C2CD4A: variants seen among roughly 807,000 people sequenced by gnomAD.
C2CD4A encodes the protein C2 calcium-dependent domain-containing protein 4A.
Under a neutral mutation model 0.4 loss-of-function variants are expected in C2CD4A, and 2 were observed. The ratio of observed to expected loss-of-function variants is 4.45; its 90% CI spans 1.82 to 13.99. C2CD4A has a LOEUF of 13.99. C2CD4A is among the 30% of genes most tolerant of loss of function. C2CD4A has a pLI of 0.04. For missense variants in C2CD4A, 610 were observed against 574.2 expected (o/e 1.06, Z -0.64); for synonymous variants, 297 against 280.8 (o/e 1.06, Z -0.58).
chr15:62,068,347 A>G lies in C2CD4A; in HGVS notation c.734A>G (p.Glu245Gly). ...CCGTTTCCCGAGCGCCTGGAGGCCG[A>G]GGGCACCGTGGCTCTGGGCCGCGCC... is the stretch of plus-strand genomic sequence containing the variant. ...RVPFPERLEA[E>G]GTVALGRAGD... Residue 245 changes from glutamate (E) to glycine (G), a missense_variant, in exon 2 of 2, where the codon GAG becomes GGG. Glu to Gly is a moderately conservative substitution (Grantham distance 98, BLOSUM62 -2). Coordinates refer to ENST00000355522, the MANE Select transcript of C2CD4A (RefSeq NM_207322.3). 1 of 1,407,608 alleles carries G rather than the reference A, an allele frequency of 7.1e-7. No individual in the cohort carries two copies. The allele number at this position is 1,407,608 out of a possible 1,614,324, so 87.2% of individuals were successfully genotyped here.
intron 1 of C2CD4A, 43 bp from the exon 2 acceptor site, chr15:62,067,542 G>A: frequency 6.8e-7 from 1 of 1,469,826 alleles, no homozygotes; most frequent in Admixed American, 2.1e-5. Context: ...ACTGCACCTT[G>A]CGGGACTCGC....
At position 62,068,032 on chromosome 15, in the gene C2CD4A, G is replaced by C; in HGVS notation, c.419G>C (p.Gly140Ala). Residue 140 changes from glycine to alanine, a missense_variant, in exon 2 of 2, where the codon GGC (glycine) becomes GCC (alanine). Coordinates refer to ENST00000355522, the MANE Select transcript of C2CD4A (RefSeq NM_207322.3). ...PRAHTYGGGG[G>A]PDALLGTLRV... ...GCCCACACCTACGGCGGCGGCGGCG[G>C]CCCGGACGCCCTCCTGGGGACCCTG... 1.6e-6 allele frequency: 2 copies of C among 1,270,916 alleles called. No homozygotes were observed. The highest frequency in any genetic ancestry group is 2.0e-6 in the Non-Finnish European group (2 of 1,016,290). The allele number at this position is 1,270,916 out of a possible 1,614,324, so 78.7% of individuals were successfully genotyped here.
At position 62,068,204 on chromosome 15, in the gene C2CD4A, G is replaced by C. The variant is rs1219411185; in HGVS notation, c.591G>C (p.Arg197Ser). The C allele has an allele frequency of 6.7e-6, 9 of 1,339,128 alleles. No homozygotes were observed. Among genetic ancestry groups the C allele is most frequent in the Non-Finnish European group, 7.7e-6 (8 of 1,044,016 alleles). 83.0% of individuals were successfully genotyped at this position (1,339,128 alleles called of 1,614,324 possible). The stretch of plus-strand genomic sequence containing the variant: ...TGAGTCGCGCGCTGCGGGCTGGGAG[G>C]AGTCGCCGCCTGACCCGCGTCCGCT... ...GLLSRALRAG[R>S]SRRLTRVRSV... is the part of the protein sequence containing the mutation. Residue 197 changes from arginine (R) to serine (S), a missense_variant, in exon 2 of 2, where the codon AGG becomes AGC. Transcript: ENST00000355522.
Position 62,068,444 on chromosome 15 carries a change from C to G in C2CD4A, c.831C>G (p.Ala277=), listed in dbSNP as rs2049062067. The G allele has an allele frequency of 5.6e-6, 8 of 1,416,976 alleles. No individual in the cohort carries two copies. The highest frequency in any genetic ancestry group is 2.3e-4 in the Middle Eastern group (1 of 4,286). The allele number at this position is 1,416,976 out of a possible 1,614,324, so 87.8% of individuals were successfully genotyped here. ...GGCTCCGCCTCCGGCTGCTCCGCGC[C>G]GAGAGCCCGGCCGGAGGCGCCCCCG... The part of the protein sequence containing the change: ...TGRLRLRLLR[A]ESPAGGAPGP... The change falls in exon 2 of 2, where the codon GCC becomes GCG. Residue 277 remains alanine, a synonymous_variant. Coordinates refer to ENST00000355522, the MANE Select transcript of C2CD4A (RefSeq NM_207322.3).
chr15:62,067,991 C>G lies in C2CD4A; in HGVS notation c.378C>G (p.Pro126=), dbSNP rs934402578. ...RKESLLLGGP[P]APRPRAHTYG... is the part of the protein sequence containing the mutation. ...AGTCGCTCCTGCTCGGGGGCCCGCCCGCGCCCCGGCCCCGGGCCCACACCT... is the reference window on the plus strand; with the variant it reads ...AGTCGCTCCTGCTCGGGGGCCCGCCGGCGCCCCGGCCCCGGGCCCACACCT... Residue 126 remains proline, a synonymous_variant, in exon 2 of 2, where the codon CCC becomes CCG. Coordinates refer to ENST00000355522, the MANE Select transcript of C2CD4A (RefSeq NM_207322.3). 7.2e-7 allele frequency: 1 copy of G among 1,391,180 alleles called. No individual in the cohort carries two copies. Among genetic ancestry groups the G allele is most frequent in the Non-Finnish European group, 9.2e-7 (1 of 1,083,458 alleles). 86.2% of individuals were successfully genotyped at this position (1,391,180 alleles called of 1,614,324 possible). A position where few individuals can be genotyped will look rare whatever the true frequency, so the allele number is the denominator to read the frequency against.
Position 62,070,713 on chromosome 15 carries a change from G to T in C2CD4A, c.*1990G>T. On this transcript the variant is annotated 3_prime_UTR_variant, in exon 2 of 2. Coordinates refer to ENST00000355522, the MANE Select transcript of C2CD4A (RefSeq NM_207322.3). ...CAGCCACATCCAGGAGCTTGCAGTTGTTGACCAAATGAATGATGACATAGA... is the reference window on the plus strand; with the variant it reads ...CAGCCACATCCAGGAGCTTGCAGTTTTTGACCAAATGAATGATGACATAGA... The T allele has an allele frequency of 2.5e-6, 1 of 395,802 alleles. No homozygotes were observed. The highest frequency in any genetic ancestry group is 4.6e-6 in the Non-Finnish European group (1 of 216,212). 24.5% of individuals were successfully genotyped at this position (395,802 alleles called of 1,614,324 possible). A position where few individuals can be genotyped will look rare whatever the true frequency, so the allele number is the denominator to read the frequency against.
chr15:62,070,780 A>T lies in C2CD4A; in HGVS notation c.*2057A>T. 2.9e-6 allele frequency: 1 copy of T among 341,308 alleles called. No homozygotes were observed. 21.1% of individuals were successfully genotyped at this position (341,308 alleles called of 1,614,324 possible). On this transcript the variant is annotated 3_prime_UTR_variant, in exon 2 of 2. Coordinates refer to ENST00000355522, the MANE Select transcript of C2CD4A (RefSeq NM_207322.3). ...ATGTGCTCTTCTATCTAATCAGTCA[A>T]TATTTCCTTGGCCCTCAAGCCAACA...
Position 62,068,133 on chromosome 15 carries a change from C to G in C2CD4A, c.520C>G (p.Arg174Gly). The part of the protein sequence containing the change: ...CPRPPQDALA[R>G]RPRGCRLLRV... ...CCGCCCGCCCCAGGACGCGCTCGCC[C>G]GGCGGCCCCGCGGCTGCCGCCTCCT... Residue 174 changes from arginine to glycine, a missense_variant, in exon 2 of 2, where the codon CGG (arginine) becomes GGG (glycine). Coordinates refer to ENST00000355522, the MANE Select transcript of C2CD4A (RefSeq NM_207322.3). The G allele has an allele frequency of 8.4e-7, 1 of 1,196,524 alleles. No individual in the cohort carries two copies. The highest frequency in any genetic ancestry group is 3.8e-5 in the South Asian group (1 of 26,116). 74.1% of individuals were successfully genotyped at this position (1,196,524 alleles called of 1,614,324 possible). A position where few individuals can be genotyped will look rare whatever the true frequency, so the allele number is the denominator to read the frequency against.
chr15:62,067,728 A>G lies in C2CD4A; in HGVS notation c.115A>G (p.Asn39Asp). ...AKSRTTAACA[N>D]VLTPDRIPEF... ...GTCTCGCACCACCGCCGCGTGCGCAAATGTGCTCACTCCGGACCGCATCCC... is the reference window on the plus strand; with the variant it reads ...GTCTCGCACCACCGCCGCGTGCGCAGATGTGCTCACTCCGGACCGCATCCC... The change falls in exon 2 of 2, where the codon AAT becomes GAT. Residue 39 changes from asparagine (N) to aspartate (D), a missense_variant. Transcript: ENST00000355522. 6.2e-7 allele frequency: 1 copy of G among 1,612,246 alleles called. No individual in the cohort carries two copies. The highest frequency in any genetic ancestry group is 8.5e-7 in the Non-Finnish European group (1 of 1,179,940).
chr15:62,069,568 G>A lies in C2CD4A; in HGVS notation c.*845G>A, dbSNP rs897547147. The A allele has an allele frequency of 6.4e-6, 1 of 157,216 alleles. No homozygotes were observed. The highest frequency in any genetic ancestry group is 1.5e-5 in the Non-Finnish European group (1 of 67,516). 9.7% of individuals were successfully genotyped at this position (157,216 alleles called of 1,614,324 possible). ...CTGCACTCCAACCTGGGCAACCGGAGTGAGACCCTGTCTGCAAATAATAAT... is the reference window on the plus strand; with the variant it reads ...CTGCACTCCAACCTGGGCAACCGGAATGAGACCCTGTCTGCAAATAATAAT... On this transcript the variant is annotated 3_prime_UTR_variant, in exon 2 of 2. Coordinates refer to ENST00000355522, the MANE Select transcript of C2CD4A (RefSeq NM_207322.3).
In C2CD4A at chr15:62,068,266, CG is replaced by C; in HGVS notation, c.656del (p.Gly219AlafsTer168). The C allele has an allele frequency of 7.3e-7, 1 of 1,374,946 alleles. No homozygotes were observed. Among genetic ancestry groups the C allele is most frequent in the Non-Finnish European group, 9.4e-7 (1 of 1,065,884 alleles). The allele number at this position is 1,374,946 out of a possible 1,614,324, so 85.2% of individuals were successfully genotyped here. A position where few individuals can be genotyped will look rare whatever the true frequency, so the allele number is the denominator to read the frequency against. Reference protein sequence around the residue: ...SSGNEDKERRAGSQSPARAPS... With the variant: ...SSGNEDKERRXGSQSPARAPS... ...GGGAACGAGGACAAGGAGCGCCGCG[CG>C]GGCTCCCAGTCCCCGGCCCGGGCCC... On this transcript the variant is annotated frameshift_variant, in exon 2 of 2. Coordinates refer to ENST00000355522, the MANE Select transcript of C2CD4A (RefSeq NM_207322.3).
In C2CD4A at chr15:62,068,283, G is replaced by A. The variant is rs1236585864; in HGVS notation, c.670G>A (p.Ala224Thr). 2 of 1,402,700 alleles carry A rather than the reference G, an allele frequency of 1.4e-6. No homozygotes were observed. The highest frequency in any genetic ancestry group is 3.1e-5 in the East Asian group (1 of 32,022). The allele number at this position is 1,402,700 out of a possible 1,614,324, so 86.9% of individuals were successfully genotyped here. A position where few individuals can be genotyped will look rare whatever the true frequency, so the allele number is the denominator to read the frequency against. Residue 224 changes from alanine (A) to threonine (T), a missense_variant, in exon 2 of 2, where the codon GCC becomes ACC. Coordinates refer to ENST00000355522, the MANE Select transcript of C2CD4A (RefSeq NM_207322.3). ...KERRAGSQSP[A>T]RAPSTSPPSS... is the part of the protein sequence containing the mutation. Reference sequence around the variant, plus strand: ...GCGCCGCGCGGGCTCCCAGTCCCCGGCCCGGGCCCCCTCCACGAGCCCGCC... The same window carrying A: ...GCGCCGCGCGGGCTCCCAGTCCCCGACCCGGGCCCCCTCCACGAGCCCGCC...
chr15:62,069,549 T>G lies in C2CD4A; in HGVS notation c.*826T>G, dbSNP rs1251129886. 6.4e-6 allele frequency: 1 copy of G among 157,062 alleles called. No individual in the cohort carries two copies. Among genetic ancestry groups the G allele is most frequent in the African/African-American group, 2.4e-5 (1 of 41,438 alleles). The allele number at this position is 157,062 out of a possible 1,614,324, so 9.7% of individuals were successfully genotyped here. ...GTGAGCCGAGATCGTGCCACTGCAC[T>G]CCAACCTGGGCAACCGGAGTGAGAC... is the stretch of plus-strand genomic sequence containing the variant. On this transcript the variant is annotated 3_prime_UTR_variant, in exon 2 of 2. Coordinates refer to ENST00000355522, the MANE Select transcript of C2CD4A (RefSeq NM_207322.3).
In C2CD4A at chr15:62,067,740, C is replaced by T; in HGVS notation, c.127C>T (p.Pro43Ser). The T allele has an allele frequency of 6.2e-7, 1 of 1,612,816 alleles. No individual in the cohort carries two copies. The highest frequency in any genetic ancestry group is 8.5e-7 in the Non-Finnish European group (1 of 1,179,966). The stretch of plus-strand genomic sequence containing the variant: ...CGCCGCGTGCGCAAATGTGCTCACT[C>T]CGGACCGCATCCCTGAGTTCTGCAT... ...TTAACANVLT[P>S]DRIPEFCIPP... The change falls in exon 2 of 2, where the codon CCG (proline) becomes TCG (serine). Residue 43 changes from proline to serine, a missense_variant. By Grantham distance (74) the Pro-to-Ser change is moderately conservative. Transcript: ENST00000355522.
In C2CD4A at chr15:62,067,719, G is replaced by T; in HGVS notation, c.106G>T (p.Ala36Ser). 3 of 1,611,320 alleles carry T rather than the reference G, an allele frequency of 1.9e-6. No individual in the cohort carries two copies. The South Asian group carries it at 3.3e-5, about 18-fold the overall frequency. Residue 36 changes from alanine (A) to serine (S), a missense_variant, in exon 2 of 2, where the codon GCG becomes TCG. Transcript: ENST00000355522. ...CGGAGCCAAGTCTCGCACCACCGCC[G>T]CGTGCGCAAATGTGCTCACTCCGGA... ...ARGAKSRTTA[A>S]CANVLTPDRI...
At position 62,068,753 on chromosome 15, in the gene C2CD4A, C is replaced by G. The variant is rs896901673; in HGVS notation, c.*30C>G. Reference sequence around the variant, plus strand: ...CCAGCCCTCCCCGGGGCGCTCTGCCCGGGGGACTCCGGACACTGACAGCCG... The same window carrying G: ...CCAGCCCTCCCCGGGGCGCTCTGCCGGGGGGACTCCGGACACTGACAGCCG... On this transcript the variant is annotated 3_prime_UTR_variant, in exon 2 of 2. Transcript: ENST00000355522. 17 of 1,435,416 alleles carry G rather than the reference C, an allele frequency of 1.2e-5. No homozygotes were observed. The highest frequency in any genetic ancestry group is 1.5e-5 in the Non-Finnish European group (16 of 1,092,028). 88.9% of individuals were successfully genotyped at this position (1,435,416 alleles called of 1,614,324 possible).
rs1052869820 is a variant in C2CD4A, at chr15:62,067,769, G to T, written c.156G>T (p.Pro52=). The change falls in exon 2 of 2, where the codon CCG becomes CCT. Residue 52 remains proline (P), a synonymous_variant. Coordinates refer to ENST00000355522, the MANE Select transcript of C2CD4A (RefSeq NM_207322.3). ...TPDRIPEFCI[P]PRLMPRLALA... The stretch of plus-strand genomic sequence containing the variant: ...ACCGCATCCCTGAGTTCTGCATCCC[G>T]CCACGGCTCATGCCCCGCCTGGCCT... The T allele has an allele frequency of 6.2e-7, 1 of 1,613,006 alleles. No individual in the cohort carries two copies.
Position 62,068,454 on chromosome 15 carries a change from GC to G in C2CD4A, c.843del (p.Gly282GlufsTer105). 2.1e-6 allele frequency: 3 copies of G among 1,424,540 alleles called. No homozygotes were observed. Among genetic ancestry groups the G allele is most frequent in the Non-Finnish European group, 2.7e-6 (3 of 1,098,262 alleles). 88.2% of individuals were successfully genotyped at this position (1,424,540 alleles called of 1,614,324 possible). A position where few individuals can be genotyped will look rare whatever the true frequency, so the allele number is the denominator to read the frequency against. ...CCGGCTGCTCCGCGCCGAGAGCCCG[GC>G]CGGAGGCGCCCCCGGGCCCCGAGCC... The part of the protein sequence containing the change: ...RLRLLRAESP[A>X]GGAPGPRAVS... On this transcript the variant is annotated frameshift_variant, in exon 2 of 2. Transcript: ENST00000355522.
rs747991182 is a variant in C2CD4A at position 62,067,732 on chromosome 15, T to G, written c.119T>G (p.Val40Gly). 6.2e-7 allele frequency: 1 copy of G among 1,612,466 alleles called. No individual in the cohort carries two copies. Among genetic ancestry groups the G allele is most frequent in the African/African-American group, 1.3e-5 (1 of 75,046 alleles). The part of the protein sequence containing the change: ...KSRTTAACAN[V>G]LTPDRIPEFC... ...CGCACCACCGCCGCGTGCGCAAATGTGCTCACTCCGGACCGCATCCCTGAG... is the reference window on the plus strand; with the variant it reads ...CGCACCACCGCCGCGTGCGCAAATGGGCTCACTCCGGACCGCATCCCTGAG... The change falls in exon 2 of 2, where the codon GTG becomes GGG. Residue 40 changes from valine to glycine, a missense_variant. By Grantham distance (109) the Val-to-Gly change is moderately radical. Transcript: ENST00000355522.
Sources: gnomAD v4.1 joint callset for allele counts on GRCh38, gnomAD v4.1.1 for gene constraint, MANE v1.5 for transcripts, NCBI Gene and HGNC (gene_info 2026-07-23, HGNC 2026-07-21) for gene names.